The following F13A1 variants were observed in gnomAD, a reference collection of about 807,000 sequenced individuals.
F13A1 encodes the protein coagulation factor XIII A chain, also known as FSF, A subunit.
A neutral mutation model predicts 80.1 loss-of-function variants in F13A1; 47 were observed. That is an observed-to-expected ratio of 0.59 (90% confidence interval 0.46 to 0.75). The LOEUF (loss-of-function observed/expected upper bound fraction) is 0.75. Among genes scored for constraint, F13A1 ranks in the 30% least tolerant of loss-of-function variants. The pLI, the probability that F13A1 is intolerant of heterozygous loss-of-function variation, is 0.00. For missense variants in F13A1, 817 were observed against 930.4 expected (o/e 0.88, Z 1.59); for synonymous variants, 349 against 344.9 (o/e 1.01, Z -0.13).
rs1034126219 is a variant in F13A1, at chr6:6,162,597, C to G, written c.1908+4861G>C. Among the ~76,000 whole-genome samples the G allele has an allele frequency of 2.6e-5, 4 of 152,190 alleles. No homozygotes were observed. Among genetic ancestry groups the G allele is most frequent in the Non-Finnish European group, 4.4e-5 (3 of 68,038 alleles). ...GAAGACCTGGGCCAGAAGTGTCTCT[C>G]CTTCCCTCAACAGGCACGTGATCAC... is the stretch of plus-strand genomic sequence containing the variant. On this transcript the variant is annotated intron_variant, in intron 13 of 14. Transcript: ENST00000264870. The surrounding 1 kb of genome is among the most constrained non-coding windows in gnomAD (Gnocchi z 4.2).
chr6:6,260,183 C>T (rs556129473), intron 4 of F13A1, among the ~76,000 whole-genome samples: 29 of 152,302 alleles, frequency 1.9e-4, no homozygotes, highest in African/African-American at 6.0e-4. Context: ...TCCCCGCATG[C>T]ACCCCTGCCT....
intron 3 of F13A1, among the ~76,000 whole-genome samples, chr6:6,275,264 A>T (rs1583105912): frequency 6.6e-6 from 1 of 152,162 alleles, no homozygotes; most frequent in Non-Finnish European, 1.5e-5. Context: ...TGATGTTGGC[A>T]TTAAGTAGGG....
intron 8 of F13A1, among the ~76,000 whole-genome samples, chr6:6,199,261 G>A (rs58408302): frequency 0.023 from 3,440 of 152,122 alleles, 132 homozygotes; most frequent in African/African-American, 0.073. Flanking sequence ...AGGCCGAGGC[G>A]GGCAGATCAC....
intron 8 of F13A1, among the ~76,000 whole-genome samples, chr6:6,214,295 CA>C (rs775541902): frequency 6.6e-6 from 1 of 151,874 alleles, no homozygotes; most frequent in South Asian, 2.1e-4. Context: ...CCCTCCTCAG[CA>C]AATGTAAAAG....
chr6:6,272,832 A>G (rs969083539), intron 3 of F13A1, among the ~76,000 whole-genome samples: 1 of 152,208 alleles, frequency 6.6e-6, no homozygotes, highest in African/African-American at 2.4e-5. Flanking sequence ...GCTTTGATAT[A>G]CTCACACACT....
chr6:6,272,346 G>A (rs1757932270), intron 3 of F13A1, among the ~76,000 whole-genome samples: 1 of 152,152 alleles, frequency 6.6e-6, no homozygotes, highest in African/African-American at 2.4e-5. Context: ...TAATAGAACT[G>A]TTCTGACTCC....
At chr6:6,153,346 G>T (rs894021748) in intron 13 of F13A1, among the ~76,000 whole-genome samples, 7 of 152,130 alleles carry the variant, frequency 4.6e-5, no homozygotes, top group African/African-American at 1.7e-4. Context: ...AAATCTTCCT[G>T]ATCTGATCAT....
intron 3 of F13A1, among the ~76,000 whole-genome samples, chr6:6,300,570 T>C (rs58165712): frequency 0.17 from 26,188 of 151,986 alleles, 5,654 homozygotes; most frequent in African/African-American, 0.51. Flanking sequence ...TTGCACTTCC[T>C]GAGTGAGGCA....
chr6:6,296,038 C>A (rs1212497928), intron 3 of F13A1, among the ~76,000 whole-genome samples: 1 of 144,082 alleles, frequency 6.9e-6, no homozygotes, highest in East Asian at 2.0e-4. Context: ...TCAGGTTTGT[C>A]AAAGATCAGA....
At chr6:6,249,422 A>G (rs1757599816) in intron 5 of F13A1, among the ~76,000 whole-genome samples, 1 of 152,222 alleles carries the variant, frequency 6.6e-6, no homozygotes, top group Admixed American at 6.5e-5. Context: ...CTGGAGAGTT[A>G]AGGAAATAGT....
At chr6:6,287,301 G>A (rs1331951547) in intron 3 of F13A1, among the ~76,000 whole-genome samples, 1 of 152,220 alleles carries the variant, frequency 6.6e-6, no homozygotes, top group African/African-American at 2.4e-5. Flanking sequence ...GCCAGGGAAT[G>A]CCCACAGTCC....
At chr6:6,215,891 CAGAG>C (rs1346617601) in intron 8 of F13A1, among the ~76,000 whole-genome samples, 1 of 129,548 alleles carries the variant, frequency 7.7e-6, no homozygotes, top group African/African-American at 3.0e-5. Flanking sequence ...CAACAACAGA[CAGAG>C]AGCCAAATCA....
At chr6:6,300,605 G>T (rs1024304885) in intron 3 of F13A1, among the ~76,000 whole-genome samples, 2 of 151,838 alleles carry the variant, frequency 1.3e-5, no homozygotes, top group South Asian at 4.2e-4. Context: ...TTCGGCTCGC[G>T]CACAGTGCAC....
chr6:6,195,866 G>T lies in F13A1; in HGVS notation c.1236C>A (p.Pro412=). The T allele has an allele frequency of 6.2e-7, 1 of 1,614,114 alleles. No homozygotes were observed. Residue 412 remains proline, a synonymous_variant, in exon 10 of 15, where the codon CCC becomes CCA. Coordinates refer to ENST00000264870, the MANE Select transcript of F13A1 (RefSeq NM_000129.4). ...CGTGCTTGATGGCTTGAACCGAGGC[G>T]GGGCCACACCGATACATGCCTGCAT... ...ENSDGMYRCG[P]ASVQAIKHGH...
intron 10 of F13A1, among the ~76,000 whole-genome samples, chr6:6,186,697 G>A (rs1761085709): frequency 6.6e-6 from 1 of 152,196 alleles, no homozygotes; most frequent in Non-Finnish European, 1.5e-5. Context: ...GATTGACTTG[G>A]TGATGCAGGC....
chr6:6,299,336 CAG>C (rs1168577357), intron 3 of F13A1, among the ~76,000 whole-genome samples: 1 of 124,978 alleles, frequency 8.0e-6, no homozygotes, highest in African/African-American at 4.0e-5. Flanking sequence ...TAATATCCTG[CAG>C]AGTGTTTTCC....
chr6:6,190,011 C>T (rs147622690), intron 10 of F13A1, among the ~76,000 whole-genome samples: 7,245 of 152,244 alleles, frequency 0.048, 257 homozygotes, highest in Non-Finnish European at 0.077. Flanking sequence ...TCCAGTTGAT[C>T]GCATCGGCTC....
At chr6:6,217,889 G>T (rs920630319) in intron 8 of F13A1, among the ~76,000 whole-genome samples, 1 of 152,142 alleles carries the variant, frequency 6.6e-6, no homozygotes, top group African/African-American at 2.4e-5. Flanking sequence ...TATAGATTAA[G>T]ACCACCCATT....
intron 8 of F13A1, among the ~76,000 whole-genome samples, chr6:6,204,630 T>G (rs1040500535): frequency 6.6e-6 from 1 of 152,024 alleles, no homozygotes; most frequent in African/African-American, 2.4e-5. Flanking sequence ...TGGAAAGAAG[T>G]GGGAACAATT....
Sources: allele counts gnomAD v4.1 joint callset (sites outside exome capture counted in the v4.1 genomes callset), GRCh38; gene constraint gnomAD v4.1.1; non-coding constraint Gnocchi (gnomAD v3.1); transcripts MANE v1.5; gene names NCBI Gene and HGNC (gene_info 2026-07-23, HGNC 2026-07-21).